The following EXOC6B variants were observed in gnomAD, a reference collection of about 807,000 sequenced individuals.
The protein encoded by EXOC6B is SEC15 homolog B.
In EXOC6B, 54 loss-of-function variants were observed where a neutral mutation model predicts 113.5. That is an observed-to-expected ratio of 0.48 (90% CI 0.38 to 0.60). The LOEUF is 0.60. Among genes scored for constraint, EXOC6B ranks in the 20% least tolerant of loss-of-function variants. The probability of loss-of-function intolerance (pLI) is 0.00; values close to 1 mark genes in which losing one functional copy is unlikely to be tolerated. For synonymous variants in EXOC6B, 357 were observed against 339.0 expected, an observed-to-expected ratio of 1.05 and a Z score of -0.58; for missense variants, 797 against 977.5, an observed-to-expected ratio of 0.82 and a Z score of 2.46.
chr2:72,256,577 G>A (rs1432737194), intron 20 of EXOC6B, among the ~76,000 whole-genome samples: 2 of 152,170 alleles, frequency 1.3e-5, no homozygotes, highest in Non-Finnish European at 2.9e-5. Flanking sequence ...GTAAAACTGA[G>A]AGTAGAGGTA....
intron 6 of EXOC6B, among the ~76,000 whole-genome samples, chr2:72,635,773 T>C (rs1672774313): frequency 6.6e-6 from 1 of 152,214 alleles, no homozygotes; most frequent in South Asian, 2.1e-4. Flanking sequence ...ACCAATATCC[T>C]TCATGCATTT....
intron 6 of EXOC6B, among the ~76,000 whole-genome samples, chr2:72,611,025 C>A (rs79894718): frequency 6.6e-6 from 1 of 152,018 alleles, no homozygotes; most frequent in Admixed American, 6.6e-5. Flanking sequence ...AAGAAAAGCA[C>A]CAGATAAACC....
intron 6 of EXOC6B, among the ~76,000 whole-genome samples, chr2:72,651,199 T>C (rs1274080578): frequency 1.3e-5 from 2 of 152,364 alleles, no homozygotes; most frequent in Non-Finnish European, 2.9e-5. Context: ...CTGTGGATTA[T>C]GAAAGTTAAA....
chr2:72,586,338 G>C (rs1372908063), intron 6 of EXOC6B, among the ~76,000 whole-genome samples: 5 of 152,120 alleles, frequency 3.3e-5, no homozygotes, highest in African/African-American at 1.2e-4. Flanking sequence ...GAAAATATTT[G>C]CAAACTATGC....
At chr2:72,451,166 T>A (rs1283503933) in intron 18 of EXOC6B, among the ~76,000 whole-genome samples, 1 of 152,230 alleles carries the variant, frequency 6.6e-6, no homozygotes, top group Non-Finnish European at 1.5e-5. Flanking sequence ...TGAAGAATCC[T>A]TAGATTTTAC....
intron 17 of EXOC6B, among the ~76,000 whole-genome samples, chr2:72,476,291 T>C (rs1698736990): frequency 6.6e-6 from 1 of 152,224 alleles, no homozygotes; most frequent in Non-Finnish European, 1.5e-5. Flanking sequence ...CTGAGTAGAC[T>C]GCCTAATTTC....
intron 6 of EXOC6B, among the ~76,000 whole-genome samples, chr2:72,717,579 A>G: frequency 6.6e-6 from 1 of 152,330 alleles, no homozygotes; most frequent in African/African-American, 2.4e-5. Flanking sequence ...TAACAAATGT[A>G]TATACTGCTA....
chr2:72,673,066 T>C (rs915644327), intron 6 of EXOC6B, among the ~76,000 whole-genome samples: 4 of 151,934 alleles, frequency 2.6e-5, no homozygotes, highest in African/African-American at 7.3e-5. Context: ...ATAATATGTA[T>C]CAATAAAAAA....
chr2:72,544,683 ATTT>A (rs553305763), intron 8 of EXOC6B, among the ~76,000 whole-genome samples: 2 of 152,108 alleles, frequency 1.3e-5, no homozygotes, highest in Non-Finnish European at 2.9e-5. Context: ...CCTCTTTTAT[ATTT>A]TTTAACAGAT....
intron 6 of EXOC6B, among the ~76,000 whole-genome samples, chr2:72,643,231 A>G (rs1673405018): frequency 6.6e-6 from 1 of 151,982 alleles, no homozygotes; most frequent in Non-Finnish European, 1.5e-5. Context: ...TAGAACTGGA[A>G]ATACCATTTG....
intron 20 of EXOC6B, among the ~76,000 whole-genome samples, chr2:72,245,887 T>C (rs1329620895): frequency 6.6e-6 from 1 of 152,198 alleles, no homozygotes; most frequent in Non-Finnish European, 1.5e-5. Context: ...GATTGGTCTC[T>C]TACACTGATT....
chr2:72,733,109 T>C lies in EXOC6B; in HGVS notation c.289A>G (p.Thr97Ala). 2.5e-6 allele frequency: 4 copies of C among 1,591,284 alleles called. No homozygotes were observed. The highest frequency in any genetic ancestry group is 3.4e-6 in the Non-Finnish European group (4 of 1,166,234). Residue 97 changes from threonine to alanine, a missense_variant, in exon 3 of 22, where the codon ACG (threonine) becomes GCG (alanine). By Grantham distance (58) the Thr-to-Ala change is moderately conservative. Coordinates refer to ENST00000272427, the MANE Select transcript of EXOC6B (RefSeq NM_015189.3). ...TGTTGTAGTTTTCTATTAGTATCCGTCACTTGATTCTGTGGAGAGAAGACA... is the reference window on the plus strand; with the variant it reads ...TGTTGTAGTTTTCTATTAGTATCCGCCACTTGATTCTGTGGAGAGAAGACA... ...GEAQKLKNQV[T>A]DTNRKLQHEG...
intron 5 of EXOC6B, among the ~76,000 whole-genome samples, chr2:72,728,454 G>GA (rs1680442912): frequency 6.6e-6 from 1 of 152,124 alleles, no homozygotes; most frequent in African/African-American, 2.4e-5. Context: ...ATAACTACTG[G>GA]AAACATACCA....
chr2:72,815,070 C>T lies in EXOC6B; in HGVS notation c.113+10728G>A, dbSNP rs180815104. 1.2e-4 allele frequency among the ~76,000 whole-genome samples: 18 copies of T among 152,328 alleles called. No individual in the cohort carries two copies. In the East Asian group the frequency reaches 3.3e-3, roughly 28 times the overall value. ...AAATAATAAAGAGGCAGGTTTGAAACTTTCGTTTCTTAAAAACAATGGTTT... is the reference window on the plus strand; with the variant it reads ...AAATAATAAAGAGGCAGGTTTGAAATTTTCGTTTCTTAAAAACAATGGTTT... On this transcript the variant is annotated intron_variant, in intron 1 of 21. Coordinates refer to ENST00000272427, the MANE Select transcript of EXOC6B (RefSeq NM_015189.3).
At chr2:72,352,542 GAGAA>G (rs1436621491) in intron 19 of EXOC6B, among the ~76,000 whole-genome samples, 1 of 151,950 alleles carries the variant, frequency 6.6e-6, no homozygotes, top group Non-Finnish European at 1.5e-5. Flanking sequence ...ATAGATTAAA[GAGAA>G]AGAAAGAGGA....
chr2:72,597,610 A>G (rs1382746786), intron 6 of EXOC6B, among the ~76,000 whole-genome samples: 2 of 151,960 alleles, frequency 1.3e-5, no homozygotes, highest in African/African-American at 4.8e-5. Flanking sequence ...ATCACCTTAA[A>G]TGTGAATTGT....
chr2:72,510,968 C>T (rs1246101859), intron 11 of EXOC6B, among the ~76,000 whole-genome samples: 1 of 151,852 alleles, frequency 6.6e-6, no homozygotes, highest in Non-Finnish European at 1.5e-5. Flanking sequence ...TCTCAGAACA[C>T]ACAAAAACAT....
intron 6 of EXOC6B, among the ~76,000 whole-genome samples, chr2:72,587,789 A>G (rs934552907): frequency 2.0e-5 from 3 of 152,124 alleles, no homozygotes; most frequent in Admixed American, 1.3e-4. Context: ...TAAGGGATTA[A>G]TACCCATAGT....
chr2:72,614,148 T>A (rs1671246643), intron 6 of EXOC6B, among the ~76,000 whole-genome samples: 1 of 152,112 alleles, frequency 6.6e-6, no homozygotes, highest in South Asian at 2.1e-4. Flanking sequence ...TCATTTTTAA[T>A]GAATACACAA....
Sources: allele counts gnomAD v4.1 joint callset (sites outside exome capture counted in the v4.1 genomes callset), GRCh38; gene constraint gnomAD v4.1.1; transcripts MANE v1.5; gene names NCBI Gene and HGNC (gene_info 2026-07-23, HGNC 2026-07-21).